TAF4: variants seen among roughly 807,000 people sequenced by gnomAD.
TAF4 encodes transcription initiation factor TFIID subunit 4.
A neutral mutation model predicts 90.3 loss-of-function variants in TAF4; 9 were observed. That is an observed-to-expected ratio of 0.10 (90% CI 0.06 to 0.17). The LOEUF (loss-of-function observed/expected upper bound fraction) is 0.17. TAF4 is among the 10% of genes least tolerant of loss of function. TAF4 has a pLI of 1.00. For synonymous variants in TAF4, 818 were observed against 638.9 expected (o/e 1.28, Z -4.23); for missense variants, 1,351 against 1,370.7 (o/e 0.99, Z 0.23).
intron 14 of TAF4, among the ~76,000 whole-genome samples, chr20:61,984,535 G>C (rs2055570828): frequency 6.6e-6 from 1 of 152,212 alleles, no homozygotes; most frequent in African/African-American, 2.4e-5. Context: ...GCAGGATGAA[G>C]TGCCACCCAG....
intron 14 of TAF4, among the ~76,000 whole-genome samples, chr20:61,992,584 C>T (rs1030571878): frequency 2.6e-5 from 4 of 151,746 alleles, no homozygotes; most frequent in African/African-American, 9.7e-5. Context: ...ATTGGAAATA[C>T]CCATATAAGC....
Position 62,065,849 on chromosome 20 carries a change from C to T in TAF4, c.-39G>A. On this transcript the variant is annotated 5_prime_UTR_variant, in exon 1 of 15. Transcript: ENST00000252996. ...CCGCCGCCGCCGCCGCCGCTCGGGC[C>T]GAGCGCGCCTGGGCGAGGAGGAGGT... is the stretch of plus-strand genomic sequence containing the variant. The T allele has an allele frequency of 8.1e-7, 1 of 1,227,824 alleles. No homozygotes were observed. Among genetic ancestry groups the T allele is most frequent in the South Asian group, 1.4e-5 (1 of 70,418 alleles). The allele number at this position is 1,227,824 out of a possible 1,614,324, so 76.1% of individuals were successfully genotyped here.
In TAF4 at chr20:62,064,650, G is replaced by T. The variant is rs768245528; in HGVS notation, c.1161C>A (p.Ala387=). 2.3e-6 allele frequency: 3 copies of T among 1,316,638 alleles called. No individual in the cohort carries two copies. Among genetic ancestry groups the T allele is most frequent in the Non-Finnish European group, 1.9e-6 (2 of 1,040,040 alleles). The allele number at this position is 1,316,638 out of a possible 1,614,324, so 81.6% of individuals were successfully genotyped here. ...TCCCGGGGGCGGGCGGCGGGACGGC[G>T]GCCGGGCTGGGCAGCGCCCCTTGCA... is the stretch of plus-strand genomic sequence containing the variant. ...PTMQGALPSP[A]AVPPPAPGTP... The change falls in exon 1 of 15, where the codon GCC becomes GCA. Residue 387 remains alanine, a synonymous_variant. Coordinates refer to ENST00000252996, the MANE Select transcript of TAF4 (RefSeq NM_003185.4).
At position 62,065,054 on chromosome 20, in the gene TAF4, C is replaced by T. The variant is rs2056118414; in HGVS notation, c.757G>A (p.Ala253Thr). 4.3e-6 allele frequency: 3 copies of T among 703,238 alleles called. No homozygotes were observed. Among genetic ancestry groups the T allele is most frequent in the Non-Finnish European group, 4.9e-6 (3 of 615,860 alleles). The allele number at this position is 703,238 out of a possible 1,614,324, so 43.6% of individuals were successfully genotyped here. ...GGGGCGGCGGGGGGCGAGGGCGCGG[C>T]GGGCGCGGGGGGCGCGGCGGCGCCC... ...FVGAAAPPAP[A>T]APSPPAAPAP... The change falls in exon 1 of 15, where the codon GCC becomes ACC. Residue 253 changes from alanine to threonine, a missense_variant. Physicochemically the swap from Ala to Thr is moderately conservative, Grantham distance 58 (BLOSUM62 0). Transcript: ENST00000252996.
intron 3 of TAF4, among the ~76,000 whole-genome samples, chr20:62,011,935 G>A (rs1400279666): frequency 1.3e-5 from 2 of 152,228 alleles, no homozygotes; most frequent in Non-Finnish European, 2.9e-5. Flanking sequence ...ACTGCCCAGA[G>A]AAAGCTGCTT....
chr20:61,984,495 CGA>C (rs1374716288), intron 14 of TAF4, among the ~76,000 whole-genome samples: 1 of 145,738 alleles, frequency 6.9e-6, no homozygotes, highest in Admixed American at 7.1e-5. Context: ...GATGTGCACA[CGA>C]GAGAGGGTGA....
intron 1 of TAF4, among the ~76,000 whole-genome samples, chr20:62,033,737 CAAAA>C (rs760557566): frequency 6.2e-5 from 4 of 64,580 alleles, no homozygotes; most frequent in Non-Finnish European, 6.2e-5. Context: ...GACTCCGTCT[CAAAA>C]AAAAAAAAAA....
chr20:61,989,884 A>G (rs1171526577), intron 14 of TAF4, among the ~76,000 whole-genome samples: 2 of 152,212 alleles, frequency 1.3e-5, no homozygotes, highest in African/African-American at 4.8e-5. Context: ...GGGTGCCTGA[A>G]GCATCCCCAC....
intron 8 of TAF4, 36 bp from the exon 9 acceptor site, chr20:62,003,310 C>T: frequency 1.3e-6 from 2 of 1,529,514 alleles, no homozygotes; most frequent in South Asian, 1.1e-5. Context: ...CCACACAAGG[C>T]TTTTATTAGA....
At chr20:62,019,202 G>T (rs904271888) in intron 1 of TAF4, among the ~76,000 whole-genome samples, 1 of 152,196 alleles carries the variant, frequency 6.6e-6, no homozygotes, top group East Asian at 1.9e-4. Context: ...CAAGAACAAT[G>T]GAAACCTCCT....
At chr20:61,983,268 C>G (rs990129441) in intron 14 of TAF4, among the ~76,000 whole-genome samples, 4 of 144,610 alleles carry the variant, frequency 2.8e-5, no homozygotes, top group African/African-American at 1.0e-4. Flanking sequence ...ACCAGGAAGA[C>G]ACAGATACAA....
chr20:62,065,483 G>C lies in TAF4; in HGVS notation c.328C>G (p.Pro110Ala), dbSNP rs1164077925. 4 of 971,282 alleles carry C rather than the reference G, an allele frequency of 4.1e-6. No homozygotes were observed. The highest frequency in any genetic ancestry group is 1.3e-4 in the Admixed American group (2 of 15,644). The allele number at this position is 971,282 out of a possible 1,614,324, so 60.2% of individuals were successfully genotyped here. ...CCTGCGGGGACAAGGGGGCGGCGCG[G>C]TGAGGGGGGGCCCGGGCGCTGCGGC... ...GGPQRPGPPS[P>A]RRPLVPAGPA... Residue 110 changes from proline to alanine, a missense_variant, in exon 1 of 15, where the codon CCG (proline) becomes GCG (alanine). Pro to Ala is a conservative substitution (Grantham distance 27, BLOSUM62 -1). Coordinates refer to ENST00000252996, the MANE Select transcript of TAF4 (RefSeq NM_003185.4).
chr20:62,064,791 C>A lies in TAF4; in HGVS notation c.1020G>T (p.Pro340=). ...GPGAAAAAPA[P]GVKAESPKRV... is the part of the protein sequence containing the mutation. Reference sequence around the variant, plus strand: ...TCTTGGGCGACTCGGCCTTGACCCCCGGCGCCGGCGCCGCAGCCGCCGCGC... The same window carrying A: ...TCTTGGGCGACTCGGCCTTGACCCCAGGCGCCGGCGCCGCAGCCGCCGCGC... The change falls in exon 1 of 15, where the codon CCG becomes CCT. Residue 340 remains proline (P), a synonymous_variant. Coordinates refer to ENST00000252996, the MANE Select transcript of TAF4 (RefSeq NM_003185.4). 1 of 1,029,016 alleles carries A rather than the reference C, an allele frequency of 9.7e-7. No individual in the cohort carries two copies. Among genetic ancestry groups the A allele is most frequent in the East Asian group, 8.3e-5 (1 of 11,980 alleles). 63.7% of individuals were successfully genotyped at this position (1,029,016 alleles called of 1,614,324 possible). A position where few individuals can be genotyped will look rare whatever the true frequency, so the allele number is the denominator to read the frequency against.
intron 1 of TAF4, among the ~76,000 whole-genome samples, chr20:62,040,544 T>C (rs1291396173): frequency 6.6e-6 from 1 of 152,236 alleles, no homozygotes; most frequent in Non-Finnish European, 1.5e-5. Flanking sequence ...GTGACGTGAC[T>C]ATCGTTAAAA....
chr20:62,030,183 G>A (rs946086061), intron 1 of TAF4, among the ~76,000 whole-genome samples: 2 of 152,222 alleles, frequency 1.3e-5, no homozygotes, highest in African/African-American at 2.4e-5. Context: ...TCCAGGGAGC[G>A]GAATCACAGG....
intron 6 of TAF4, among the ~76,000 whole-genome samples, chr20:62,007,254 T>G (rs967488881): frequency 2.6e-5 from 4 of 152,236 alleles, no homozygotes; most frequent in Non-Finnish European, 5.9e-5. Flanking sequence ...CTATCCAGTT[T>G]TGCAAACGCT....
chr20:61,977,693 G>C (rs114520878), intron 14 of TAF4, among the ~76,000 whole-genome samples: 363 of 152,274 alleles, frequency 2.4e-3, no homozygotes, highest in African/African-American at 8.0e-3. Context: ...ACCTGCCCGG[G>C]GTCCCTTTGC....
At chr20:62,052,756 C>T (rs1260036506) in intron 1 of TAF4, among the ~76,000 whole-genome samples, 3 of 130,704 alleles carry the variant, frequency 2.3e-5, no homozygotes, top group Non-Finnish European at 4.9e-5. Context: ...ACACCCCACA[C>T]CCCGGGTCCC....
At chr20:62,004,065 C>G (rs2055726484) in intron 7 of TAF4, among the ~76,000 whole-genome samples, 187 bp from the exon 8 acceptor site, 1 of 152,216 alleles carries the variant, frequency 6.6e-6, no homozygotes, top group Non-Finnish European at 1.5e-5. Flanking sequence ...ATGGACTCGG[C>G]CAGACCAGGG....
Sources: allele counts gnomAD v4.1 joint callset (sites outside exome capture counted in the v4.1 genomes callset), GRCh38; gene constraint gnomAD v4.1.1; transcripts MANE v1.5; gene names NCBI Gene and HGNC (gene_info 2026-07-23, HGNC 2026-07-21).